The following DNAH1 variants were observed in gnomAD, a reference collection of about 807,000 sequenced individuals.
The protein encoded by DNAH1 is axonemal beta dynein heavy chain 1.
In DNAH1, 327 loss-of-function variants were observed where a neutral mutation model predicts 484.3. The ratio of observed to expected loss-of-function variants is 0.68; its 90% confidence interval spans 0.62 to 0.74. The LOEUF is 0.74. DNAH1 is among the 30% of genes least tolerant of loss of function. DNAH1 has a pLI of 0.00. For missense variants in DNAH1, 5,052 were observed against 5,546.8 expected (o/e 0.91, Z 2.83); for synonymous variants, 2,192 against 2,191.9 (o/e 1.00, Z 0.00).
intron 32 of DNAH1, 90 bp downstream of exon 32, chr3:52,363,234 C>T: frequency 6.5e-7 from 1 of 1,531,022 alleles, no homozygotes; most frequent in Non-Finnish European, 8.9e-7. Context: ...AGGCTCTATG[C>T]CCGGTGCTTT....
intron 44 of DNAH1, chr3:52,373,973 G>T (rs925653936): frequency 1.7e-6 from 2 of 1,184,272 alleles, no homozygotes; most frequent in African/African-American, 1.5e-5. Flanking sequence ...ACTTATTTAT[G>T]AATTTTTCTT....
rs1431894495 is a variant in DNAH1, at chr3:52,344,359, G to A, written c.1287-131G>A. ...TAGTGGCTCAGGGCCGGGTGGGGGT[G>A]TGCCCATGAATCCAGAAGGGAAGCC... On this transcript the variant is annotated intron_variant, in intron 8 of 77. Coordinates refer to ENST00000420323, the MANE Select transcript of DNAH1 (RefSeq NM_015512.5). 1.7e-5 allele frequency: 19 copies of A among 1,121,110 alleles called. 1 individual carries two copies. The African/African-American group carries it at 2.4e-4, about 14-fold the overall frequency. The allele number at this position is 1,121,110 out of a possible 1,614,324, so 69.4% of individuals were successfully genotyped here.
At chr3:52,397,103 C>T in intron 73 of DNAH1, 59 bp downstream of exon 73, 1 of 1,473,622 alleles carries the variant, frequency 6.8e-7, no homozygotes, top group Non-Finnish European at 9.1e-7. Context: ...TTCTGGGGTA[C>T]CATGAGCACC....
At chr3:52,334,266 T>G (rs1701657542) in intron 8 of DNAH1, among the ~76,000 whole-genome samples, 1 of 152,004 alleles carries the variant, frequency 6.6e-6, no homozygotes, top group South Asian at 2.1e-4. Context: ...AAAGGTACAG[T>G]AAAAATACAG....
At chr3:52,389,276 T>C (rs574596799) in intron 59 of DNAH1, among the ~76,000 whole-genome samples, 185 bp from the exon 60 acceptor site, 8 of 152,354 alleles carry the variant, frequency 5.3e-5, no homozygotes, top group African/African-American at 1.7e-4. Context: ...TTTGCCCGTT[T>C]CACAGATGAA....
intron 37 of DNAH1, among the ~76,000 whole-genome samples, 155 bp downstream of exon 37, chr3:52,369,073 A>G (rs1048841742): frequency 2.0e-5 from 3 of 152,138 alleles, no homozygotes; most frequent in Admixed American, 2.0e-4. Context: ...CCCTCCTGCT[A>G]GCAGGAGCTT....
intron 8 of DNAH1, among the ~76,000 whole-genome samples, chr3:52,339,804 C>CTGTGTGTG (rs59262545): frequency 1.7e-4 from 25 of 146,624 alleles, no homozygotes; most frequent in African/African-American, 6.0e-4. Flanking sequence ...GTGTGTGTGT[C>CTGTGTGTG]TGTGTGTGTG....
chr3:52,356,423 T>C (rs1702612234), intron 21 of DNAH1, among the ~76,000 whole-genome samples, 191 bp from the exon 22 acceptor site: 1 of 152,242 alleles, frequency 6.6e-6, no homozygotes, highest in African/African-American at 2.4e-5. Context: ...CAGGCATCCC[T>C]GTATCCTCTT....
chr3:52,375,856 A>G, intron 45 of DNAH1, 99 bp from the exon 46 acceptor site: 1 of 1,385,382 alleles, frequency 7.2e-7, no homozygotes, highest in Non-Finnish European at 1.0e-6. Flanking sequence ...GGAAAAGCTT[A>G]CCCCAAGATG....
chr3:52,386,269 A>G lies in DNAH1; in HGVS notation c.8735A>G (p.Asp2912Gly). 1 of 1,611,526 alleles carries G rather than the reference A, an allele frequency of 6.2e-7. No individual in the cohort carries two copies. The highest frequency in any genetic ancestry group is 8.5e-7 in the Non-Finnish European group (1 of 1,178,870). Residue 2912 changes from aspartate (D) to glycine (G), a missense_variant, in exon 55 of 78, where the codon GAC (aspartate) becomes GGC (glycine). Coordinates refer to ENST00000420323, the MANE Select transcript of DNAH1 (RefSeq NM_015512.5). ...AQAIADDAQK[D>G]LDEALPALDA... Reference sequence around the variant, plus strand: ...GCTATTGCTGACGATGCCCAGAAGGACCTGGACGAGGCGTTGCCAGCCCTG... The same window carrying G: ...GCTATTGCTGACGATGCCCAGAAGGGCCTGGACGAGGCGTTGCCAGCCCTG...
chr3:52,316,130 G>C (rs886742073), upstream of DNAH1, among the ~76,000 whole-genome samples: 2 of 152,210 alleles, frequency 1.3e-5, no homozygotes, highest in African/African-American at 4.8e-5. Flanking sequence ...CCCCTGTGAT[G>C]TCACCAGCCC....
chr3:52,392,908 A>G lies in DNAH1; in HGVS notation c.10357A>G (p.Thr3453Ala), dbSNP rs1704459110. The G allele has an allele frequency of 6.2e-7, 1 of 1,611,780 alleles. No homozygotes were observed. Among genetic ancestry groups the G allele is most frequent in the Admixed American group, 1.7e-5 (1 of 59,724 alleles). The change falls in exon 65 of 78, where the codon ACC becomes GCC. Residue 3453 changes from threonine to alanine, a missense_variant. Thr to Ala is a moderately conservative substitution (Grantham distance 58). Around this residue, in one of 4 missense-constraint regions of DNAH1, gnomAD observed 2,929 missense variants for 3,409.4 expected, o/e 0.86. Coordinates refer to ENST00000420323, the MANE Select transcript of DNAH1 (RefSeq NM_015512.5). ...RMEYIPVAIR[T>A]QILFFCVSDL... Reference sequence around the variant, plus strand: ...GGAGTACATACCCGTGGCCATCCGCACCCAGATCCTCTTCTTCTGTGTGTC... The same window carrying G: ...GGAGTACATACCCGTGGCCATCCGCGCCCAGATCCTCTTCTTCTGTGTGTC...
chr3:52,326,434 T>G (rs1701347885), intron 4 of DNAH1, 120 bp downstream of exon 4: 1 of 1,258,576 alleles, frequency 7.9e-7, no homozygotes, highest in Non-Finnish European at 1.1e-6. Flanking sequence ...CACAAGTGTT[T>G]AGATCGAATC....
Position 52,358,430 on chromosome 3 carries a change from G to T in DNAH1, c.4087-128G>T. 9.6e-7 allele frequency: 1 copy of T among 1,040,050 alleles called. No individual in the cohort carries two copies. Among genetic ancestry groups the T allele is most frequent in the Non-Finnish European group, 1.4e-6 (1 of 735,158 alleles). The allele number at this position is 1,040,050 out of a possible 1,614,324, so 64.4% of individuals were successfully genotyped here. ...AGGCCCAGCCAAGATAGACTCTCGG[G>T]GGGACGGGAAGGCAGGGCTTTCTTC... On this transcript the variant is annotated intron_variant, in intron 24 of 77. Coordinates refer to ENST00000420323, the MANE Select transcript of DNAH1 (RefSeq NM_015512.5). This position sits in a 1 kb window ranked among gnomAD's most constrained non-coding sequence, Gnocchi z 4.2.
rs1375368110 is a variant in DNAH1 at position 52,358,680 on chromosome 3, C to T, written c.4209C>T (p.Arg1403=). 6.2e-7 allele frequency: 1 copy of T among 1,613,060 alleles called. No homozygotes were observed. The highest frequency in any genetic ancestry group is 1.7e-5 in the Admixed American group (1 of 60,008). Residue 1403 remains arginine (R), a synonymous_variant, in exon 25 of 78, where the codon CGC becomes CGT. Transcript: ENST00000420323. This position sits in a 1 kb window ranked among gnomAD's most constrained non-coding sequence, Gnocchi z 4.2. ...AGGACTGGCTGCGGGAGGTGGAGCG[C>T]AGCATGAAGGCCAGTGTGCACGACA... ...NVEDWLREVE[R]SMKASVHDII...
Position 52,345,558 on chromosome 3 carries a change from T to C in DNAH1, c.1508T>C (p.Leu503Pro). The change falls in exon 10 of 78, where the codon CTG (leucine) becomes CCG (proline). Residue 503 changes from leucine to proline, a missense_variant. Transcript: ENST00000420323. Reference protein sequence around the residue: ...EQKEDFTFVSLLTRPEVITAL... With the variant: ...EQKEDFTFVSPLTRPEVITAL... The stretch of plus-strand genomic sequence containing the variant: ...AAGGAGGACTTCACTTTCGTGTCCC[T>C]GCTCACACGGCCAGAGGTCATCACG... The C allele has an allele frequency of 6.3e-7, 1 of 1,593,636 alleles. No homozygotes were observed. The highest frequency in any genetic ancestry group is 8.5e-7 in the Non-Finnish European group (1 of 1,169,676).
rs1278292737 is a variant in DNAH1 at position 52,347,930 on chromosome 3, G to A, written c.2062G>A (p.Asp688Asn). 20 of 1,610,732 alleles carry A rather than the reference G, an allele frequency of 1.2e-5. No individual in the cohort carries two copies. The East Asian group carries it at 1.8e-4, about 14-fold the overall frequency. The stretch of plus-strand genomic sequence containing the variant: ...TGAGGCATCTCTGCTGAACCTCTTC[G>A]ACAAGGGCATCCTGGCCACCCATGC... ...QFEASLLNLFDKGILATHAVP... is the reference protein window; with the variant it reads ...QFEASLLNLFNKGILATHAVP... The change falls in exon 12 of 78, where the codon GAC becomes AAC. Residue 688 changes from aspartate (D) to asparagine (N), a missense_variant. Around this residue, in one of 4 missense-constraint regions of DNAH1, gnomAD observed 1,263 missense variants for 1,218.8 expected, o/e 1.04. Coordinates refer to ENST00000420323, the MANE Select transcript of DNAH1 (RefSeq NM_015512.5).
chr3:52,311,349 A>G (rs546832988), upstream of DNAH1, among the ~76,000 whole-genome samples: 1 of 152,158 alleles, frequency 6.6e-6, no homozygotes, highest in African/African-American at 2.4e-5. Context: ...TGCACAAAGG[A>G]GTTAAGTTCT....
chr3:52,383,743 G>A, intron 51 of DNAH1, 117 bp from the exon 52 acceptor site: 2 of 1,409,638 alleles, frequency 1.4e-6, no homozygotes, highest in African/African-American at 1.4e-5. Flanking sequence ...GGCCCAGGCT[G>A]CTGTGCTGCT....
Sources: gnomAD v4.1 joint callset for allele counts (sites outside exome capture counted in the v4.1 genomes callset) on GRCh38, gnomAD v4.1.1 for gene constraint, gnomAD v4.1.1 regional missense constraint, Gnocchi (gnomAD v3.1) non-coding constraint, MANE v1.5 for transcripts, NCBI Gene and HGNC (gene_info 2026-07-23, HGNC 2026-07-21) for gene names.